The following VWC2L variants were observed in gnomAD, a reference collection of about 807,000 sequenced individuals.
The protein encoded by VWC2L is von Willebrand factor C domain-containing protein 2-like.
In VWC2L, 10 loss-of-function variants were observed where a neutral mutation model predicts 21.6. The ratio of observed to expected loss-of-function variants is 0.46; its 90% CI spans 0.29 to 0.78. The LOEUF is 0.78. VWC2L is among the 30% of genes least tolerant of loss of function. The pLI is 0.10. For missense variants in VWC2L, 209 were observed against 277.1 expected (o/e 0.75, Z 1.74); for synonymous variants, 96 against 94.3 (o/e 1.02, Z -0.10).
intron 3 of VWC2L, among the ~76,000 whole-genome samples, chr2:214,551,810 A>C (rs1358277720): frequency 6.6e-6 from 1 of 152,210 alleles, no homozygotes; most frequent in African/African-American, 2.4e-5. Flanking sequence ...CCACAATAGA[A>C]GCCAGGGTAT....
At chr2:214,505,396 C>A (rs909075013) in intron 3 of VWC2L, among the ~76,000 whole-genome samples, 2 of 152,246 alleles carry the variant, frequency 1.3e-5, no homozygotes, top group African/African-American at 4.8e-5. Context: ...ATAATTTGTT[C>A]TCTTTTTTGC....
At chr2:214,429,110 C>T (rs1702565535) in intron 2 of VWC2L, among the ~76,000 whole-genome samples, 1 of 152,168 alleles carries the variant, frequency 6.6e-6, no homozygotes, top group Non-Finnish European at 1.5e-5. Flanking sequence ...TGTGACCTTG[C>T]TTTATTGCTG....
chr2:214,518,623 C>T (rs998874191), intron 3 of VWC2L, among the ~76,000 whole-genome samples: 12 of 152,140 alleles, frequency 7.9e-5, no homozygotes. Context: ...CCTTCCTTGT[C>T]CTTCAACAGC....
chr2:214,527,883 C>T (rs78576191), intron 3 of VWC2L, among the ~76,000 whole-genome samples: 2,601 of 152,260 alleles, frequency 0.017, 75 homozygotes, highest in African/African-American at 0.059. Context: ...TTTAAGAAGT[C>T]ATCCTTACTT....
chr2:214,468,674 T>A (rs1258471739), intron 3 of VWC2L, among the ~76,000 whole-genome samples: 1 of 152,144 alleles, frequency 6.6e-6, no homozygotes, highest in Non-Finnish European at 1.5e-5. Flanking sequence ...TCACTCAGTT[T>A]CATGCCAAAT....
chr2:214,450,265 C>T (rs1025403740), intron 3 of VWC2L, among the ~76,000 whole-genome samples: 1 of 152,142 alleles, frequency 6.6e-6, no homozygotes, highest in African/African-American at 2.4e-5. Flanking sequence ...AATTCTTGTA[C>T]TTACAGTAAG....
At chr2:214,491,523 G>A (rs1688745517) in intron 3 of VWC2L, among the ~76,000 whole-genome samples, 1 of 152,208 alleles carries the variant, frequency 6.6e-6, no homozygotes, top group African/African-American at 2.4e-5. Flanking sequence ...TAAAGTGCTT[G>A]TGCTTTTGGA....
At chr2:214,497,250 A>G (rs1688825536) in intron 3 of VWC2L, among the ~76,000 whole-genome samples, 1 of 152,160 alleles carries the variant, frequency 6.6e-6, no homozygotes, top group South Asian at 2.1e-4. Context: ...ACCCTTCTAC[A>G]TATTGTTCTG....
In VWC2L at chr2:214,575,925, C is replaced by G. The variant is rs1021840479; in HGVS notation, c.*105C>G. On this transcript the variant is annotated 3_prime_UTR_variant, in exon 4 of 4. Coordinates refer to ENST00000312504, the MANE Select transcript of VWC2L (RefSeq NM_001080500.4). ...ACAAACAAACTCCTGCCAGCTACAA[C>G]AGGGTCACCAGCAAAACTTTCTAGG... 1 of 1,333,952 alleles carries G rather than the reference C, an allele frequency of 7.5e-7. No homozygotes were observed. Among genetic ancestry groups the G allele is most frequent in the Admixed American group, 2.4e-5 (1 of 42,508 alleles). The allele number at this position is 1,333,952 out of a possible 1,614,324, so 82.6% of individuals were successfully genotyped here.
chr2:214,421,641 G>A (rs1296605574), intron 2 of VWC2L, among the ~76,000 whole-genome samples: 1 of 151,856 alleles, frequency 6.6e-6, no homozygotes, highest in African/African-American at 2.4e-5. Flanking sequence ...CCAGACTTGA[G>A]GTCAGTCATC....
intron 3 of VWC2L, among the ~76,000 whole-genome samples, chr2:214,449,825 T>A (rs1480996598): frequency 2.6e-5 from 4 of 152,230 alleles, no homozygotes; most frequent in Admixed American, 2.6e-4. Context: ...CAGCCATAAA[T>A]GCTACTGTTT....
chr2:214,532,931 G>GGACCCTGTGCTAGACAGAGGA (rs71037376), intron 3 of VWC2L, among the ~76,000 whole-genome samples: 2 of 151,832 alleles, frequency 1.3e-5, no homozygotes, highest in South Asian at 2.1e-4. Flanking sequence ...TAGAGAGAGG[G>GGACCCTGTGCTAGACAGAGGA]GACCCTGACA....
At chr2:214,564,977 C>T (rs1690039728) in intron 3 of VWC2L, among the ~76,000 whole-genome samples, 1 of 152,120 alleles carries the variant, frequency 6.6e-6, no homozygotes, top group Non-Finnish European at 1.5e-5. Flanking sequence ...TAATCCTATA[C>T]AAATATGCAC....
chr2:214,425,767 T>C (rs770120482), intron 2 of VWC2L, among the ~76,000 whole-genome samples: 25 of 152,122 alleles, frequency 1.6e-4, no homozygotes, highest in Non-Finnish European at 2.8e-4. Context: ...TATACCAAAA[T>C]ATAGAAGACA....
intron 3 of VWC2L, among the ~76,000 whole-genome samples, chr2:214,533,227 G>C (rs1689469225): frequency 6.6e-6 from 1 of 151,980 alleles, no homozygotes. Context: ...GTTTTCAGCA[G>C]TAATTACATA....
intron 3 of VWC2L, among the ~76,000 whole-genome samples, chr2:214,500,017 G>A (rs923787122): frequency 1.3e-5 from 2 of 152,144 alleles, no homozygotes; most frequent in African/African-American, 4.8e-5. Flanking sequence ...AAACCCCAGC[G>A]AAGGAAGGGT....
chr2:214,574,760 T>G (rs939622451), intron 3 of VWC2L, among the ~76,000 whole-genome samples: 1 of 152,114 alleles, frequency 6.6e-6, no homozygotes, highest in African/African-American at 2.4e-5. Flanking sequence ...GAAGCAATTT[T>G]TTTTTCCATT....
At position 214,454,598 on chromosome 2, in the gene VWC2L, C is replaced by CTTTTTTTTT. The variant is rs34032234; in HGVS notation, c.520+17855_520+17863dup. On this transcript the variant is annotated intron_variant, in intron 3 of 3. Transcript: ENST00000312504. ...ATACTGAATTACATTGATTGATTTT[C>CTTTTTTTTT]TTTTTTTTTTTTTTTTTTTTTTTGA... Among the ~76,000 whole-genome samples the CTTTTTTTTT allele has an allele frequency of 8.9e-4, 57 of 64,148 alleles. 3 individuals carry two copies. The highest frequency in any genetic ancestry group is 1.2e-3 in the African/African-American group (19 of 15,532). 42.1% of individuals were successfully genotyped at this position (64,148 alleles called of 152,430 possible).
At chr2:214,568,801 T>C (rs1189317403) in intron 3 of VWC2L, among the ~76,000 whole-genome samples, 1 of 152,188 alleles carries the variant, frequency 6.6e-6, no homozygotes, top group African/African-American at 2.4e-5. Flanking sequence ...TATTTTCTGC[T>C]TAAATTATCC....
Sources: gnomAD v4.1 joint callset for allele counts (sites outside exome capture counted in the v4.1 genomes callset) on GRCh38, gnomAD v4.1.1 for gene constraint, MANE v1.5 for transcripts, NCBI Gene and HGNC (gene_info 2026-07-23, HGNC 2026-07-21) for gene names.